Variants in TMEM232 observed in about 807,000 individuals in gnomAD.
TMEM232 encodes the protein transmembrane protein 232.
Under a neutral mutation model 78.8 loss-of-function variants are expected in TMEM232, and 80 were observed. That is an observed-to-expected ratio of 1.01 (90% CI 0.85 to 1.22). The LOEUF is 1.22. TMEM232 is among the 50% of genes most tolerant of loss of function. The pLI is 0.00. For synonymous variants in TMEM232, 297 were observed against 254.3 expected, an observed-to-expected ratio of 1.17 and a Z score of -1.60; for missense variants, 881 against 742.2, an observed-to-expected ratio of 1.19 and a Z score of -2.17.
intron 12 of TMEM232, among the ~76,000 whole-genome samples, chr5:110,467,718 T>C (rs1762230792): frequency 6.6e-6 from 1 of 152,212 alleles, no homozygotes; most frequent in South Asian, 2.1e-4. Flanking sequence ...CATTAAAAAG[T>C]ACCACAAATT....
rs929470222 is a variant in TMEM232, at chr5:110,625,402, C to T, written c.633G>A (p.Lys211=). The T allele has an allele frequency of 5.2e-6, 8 of 1,538,162 alleles. No homozygotes were observed. Among genetic ancestry groups the T allele is most frequent in the Middle Eastern group, 3.4e-4 (2 of 5,956 alleles). Residue 211 remains lysine (K), a synonymous_variant, in exon 7 of 14, where the codon AAG becomes AAA. Coordinates refer to ENST00000455884, the MANE Select transcript of TMEM232 (RefSeq NM_001039763.4). The stretch of plus-strand genomic sequence containing the variant: ...GCACATTTGAAAAGATGTTTGGATA[C>T]TTGTGATATGATGCTCCAGAGAAAG... ...ALSFSGASYH[K]YPNIFSNVQF...
At chr5:110,388,224 T>G (rs530422190) in intron 4 of TMEM232, among the ~76,000 whole-genome samples, 1 of 152,090 alleles carries the variant, frequency 6.6e-6, no homozygotes, top group Admixed American at 6.6e-5. Context: ...ATTTATAGAA[T>G]GTACTGGGAA....
intron 12 of TMEM232, among the ~76,000 whole-genome samples, chr5:110,478,456 G>C (rs1327561852): frequency 6.6e-6 from 1 of 151,810 alleles, no homozygotes; most frequent in Non-Finnish European, 1.5e-5. Context: ...CAAAGTAAGG[G>C]AAACACAACT....
At chr5:110,620,621 CTCTCTCTCTCTCTCTCT>C (rs1783552849) in intron 7 of TMEM232, among the ~76,000 whole-genome samples, 3 of 117,264 alleles carry the variant, frequency 2.6e-5, no homozygotes, top group Admixed American at 8.5e-5. Context: ...CTCTCTCTCT[CTCTCTCTCTCTCTCTCT>C]CCTCTCTCCT....
intron 12 of TMEM232, among the ~76,000 whole-genome samples, chr5:110,440,374 A>G (rs1185984796): frequency 6.6e-6 from 1 of 152,108 alleles, no homozygotes; most frequent in East Asian, 1.9e-4. Context: ...TCTGTACGCC[A>G]CTATGTTCTT....
At chr5:110,653,184 A>G (rs1301832380) in intron 2 of TMEM232, among the ~76,000 whole-genome samples, 2 of 152,250 alleles carry the variant, frequency 1.3e-5, no homozygotes, top group Non-Finnish European at 2.9e-5. Context: ...GTGATGAAAC[A>G]TAAGGAGATG....
At chr5:110,436,211 G>A (rs940364283) in intron 12 of TMEM232, among the ~76,000 whole-genome samples, 1 of 151,980 alleles carries the variant, frequency 6.6e-6, no homozygotes, top group Non-Finnish European at 1.5e-5. Flanking sequence ...ATGATTAATG[G>A]TGTTGATCAC....
chr5:110,416,933 C>A (rs555166494), downstream of TMEM232, among the ~76,000 whole-genome samples: 3 of 152,196 alleles, frequency 2.0e-5, no homozygotes, highest in African/African-American at 7.2e-5. Context: ...AAACAAAATT[C>A]TATCAGGAAA....
chr5:110,420,735 G>A lies in TMEM232; in HGVS notation c.1819C>T (p.Arg607Ter), dbSNP rs61743146. 16,697 of 1,518,158 alleles carry A rather than the reference G, an allele frequency of 0.011. 320 individuals carry two copies. Among genetic ancestry groups the A allele is most frequent in the Admixed American group, 0.074 (3,472 of 47,188 alleles). 94.0% of individuals were successfully genotyped at this position (1,518,158 alleles called of 1,614,324 possible). ...DHHWQEELKI[R>*]EKEDAICKAQ... ...TTGCATATTGCATCTTCTTTTTCTCGGATCTTTAGCTCTTCCTGCCACTGT... is the reference window on the plus strand; with the variant it reads ...TTGCATATTGCATCTTCTTTTTCTCAGATCTTTAGCTCTTCCTGCCACTGT... Residue 607 changes from arginine to a stop codon, truncating the protein, a stop_gained, in exon 14 of 14, where the codon CGA (arginine) becomes TGA (stop). Transcript: ENST00000455884. LOFTEE classifies it low-confidence loss of function (END_TRUNC).
At chr5:110,581,708 C>A (rs1252548421) in intron 10 of TMEM232, among the ~76,000 whole-genome samples, 1 of 151,662 alleles carries the variant, frequency 6.6e-6, no homozygotes, top group Non-Finnish European at 1.5e-5. Context: ...AAGGAACCAT[C>A]AACAGAGTAA....
intron 12 of TMEM232, among the ~76,000 whole-genome samples, chr5:110,477,251 T>C (rs1284141280): frequency 1.3e-5 from 2 of 151,996 alleles, no homozygotes; most frequent in Non-Finnish European, 2.9e-5. Context: ...TAACCGTAGA[T>C]GGTTGCACTT....
intron 10 of TMEM232, among the ~76,000 whole-genome samples, chr5:110,602,659 A>C (rs1280423532): frequency 2.0e-5 from 3 of 152,152 alleles, no homozygotes; most frequent in Admixed American, 2.0e-4. Flanking sequence ...GCTGGAGAGG[A>C]TCTGGAGAAA....
At chr5:110,619,314 A>G (rs1485094346) in intron 7 of TMEM232, among the ~76,000 whole-genome samples, 1 of 152,168 alleles carries the variant, frequency 6.6e-6, no homozygotes, top group Non-Finnish European at 1.5e-5. Flanking sequence ...CAACATCAGG[A>G]CTACAATTTC....
upstream of TMEM232, among the ~76,000 whole-genome samples, chr5:110,731,652 A>G (rs1455137295): frequency 6.6e-6 from 1 of 152,160 alleles, no homozygotes; most frequent in Non-Finnish European, 1.5e-5. Context: ...CCATGGCCGG[A>G]GCAGCTGGGA....
intron 1 of TMEM232, among the ~76,000 whole-genome samples, chr5:110,681,785 C>G (rs1792783585): frequency 6.6e-6 from 1 of 152,140 alleles, no homozygotes; most frequent in Non-Finnish European, 1.5e-5. Flanking sequence ...CATTCAGCTT[C>G]TAAAATGCTA....
chr5:110,712,226 A>C (rs1271153281), intron 1 of TMEM232, among the ~76,000 whole-genome samples: 3 of 152,082 alleles, frequency 2.0e-5, no homozygotes, highest in Non-Finnish European at 4.4e-5. Flanking sequence ...GAACACAGGC[A>C]ACCAAAGCAA....
intron 12 of TMEM232, among the ~76,000 whole-genome samples, chr5:110,432,537 C>A (rs1458061780): frequency 6.6e-6 from 1 of 151,640 alleles, no homozygotes; most frequent in African/African-American, 2.4e-5. Context: ...CATGCAAGCA[C>A]ACAACCCACG....
chr5:110,662,888 ACTAT>A (rs1360624493), intron 2 of TMEM232, among the ~76,000 whole-genome samples: 4 of 152,008 alleles, frequency 2.6e-5, no homozygotes, highest in African/African-American at 4.8e-5. Flanking sequence ...AATATACAAG[ACTAT>A]CTACACGATC....
intron 3 of TMEM232, among the ~76,000 whole-genome samples, chr5:110,395,680 C>T (rs1039838026): frequency 6.6e-6 from 1 of 152,046 alleles, no homozygotes. Context: ...ACATCCTGAG[C>T]GGAAACTGAA....
Sources: gnomAD v4.1 joint callset for allele counts (sites outside exome capture counted in the v4.1 genomes callset) on GRCh38, gnomAD v4.1.1 for gene constraint, MANE v1.5 for transcripts, NCBI Gene and HGNC (gene_info 2026-07-23, HGNC 2026-07-21) for gene names.